Variants in TLN1 observed in about 807,000 individuals in gnomAD.
TLN1 encodes talin-1.
A neutral mutation model predicts 292.3 loss-of-function variants in TLN1; 56 were observed. The observed-to-expected ratio is 0.19, with a 90% CI of 0.15 to 0.24. The LOEUF is 0.24. Ranked by LOEUF, TLN1 falls within the 10% of genes least tolerant of loss-of-function variation. The pLI, the probability that TLN1 is intolerant of heterozygous loss-of-function variation, is 1.00. For missense variants in TLN1, 2,433 were observed against 3,248.2 expected, an observed-to-expected ratio of 0.75 and a Z score of 6.10; for synonymous variants, 1,119 against 1,253.7, an observed-to-expected ratio of 0.89 and a Z score of 2.27.
At chr9:35,731,296 C>G (rs1299152759) in intron 1 of TLN1, among the ~76,000 whole-genome samples, 1 of 152,114 alleles carries the variant, frequency 6.6e-6, no homozygotes, top group Non-Finnish European at 1.5e-5. Context: ...TAACATTAAC[C>G]CCACCTCTAA....
At position 35,707,430 on chromosome 9, in the gene TLN1, G is replaced by C; in HGVS notation, c.4691C>G (p.Pro1564Arg). The C allele has an allele frequency of 6.2e-7, 1 of 1,614,174 alleles. No homozygotes were observed. Among genetic ancestry groups the C allele is most frequent in the Non-Finnish European group, 8.5e-7 (1 of 1,180,032 alleles). Residue 1564 changes from proline to arginine, a missense_variant, in exon 36 of 57, where the codon CCT becomes CGT. This residue lies in a region of TLN1 where 1,384 missense variants were observed against 1,699.6 expected (regional missense o/e 0.81). Transcript: ENST00000314888. This position sits in a 1 kb window ranked among gnomAD's most constrained non-coding sequence, Gnocchi z 5.6. The part of the protein sequence containing the change: ...NRAQCRAATA[P>R]LLEAVDNLSA... The stretch of plus-strand genomic sequence containing the variant: ...CAGATTGTCCACAGCCTCCAGCAGA[G>C]GGGCTGTTGCTGCTCGGCACTGGGC...
chr9:35,705,334 G>A (rs1176360348), intron 43 of TLN1, among the ~76,000 whole-genome samples: 4 of 152,200 alleles, frequency 2.6e-5, no homozygotes, highest in African/African-American at 7.2e-5. Flanking sequence ...AGGCAGGCCC[G>A]GGAAGGCTCC....
Position 35,712,817 on chromosome 9 carries a change from C to T in TLN1, c.3561+18G>A. The T allele has an allele frequency of 6.4e-7, 1 of 1,553,354 alleles. No individual in the cohort carries two copies. Among genetic ancestry groups the T allele is most frequent in the East Asian group, 2.4e-5 (1 of 41,824 alleles). On this transcript the variant is annotated intron_variant, in intron 27 of 56. Coordinates refer to ENST00000314888, the MANE Select transcript of TLN1 (RefSeq NM_006289.4). ...AGGAACCTGGGGGAGAGGGAGTGGC[C>T]CTTTCCCAGTATCTGACCTGGGCAA...
Position 35,714,899 on chromosome 9 carries a change from AC to A in TLN1, c.2755-24del. On this transcript the variant is annotated intron_variant, in intron 21 of 56. Transcript: ENST00000314888. The surrounding 1 kb of genome is among the most constrained non-coding windows in gnomAD (Gnocchi z 4.6). Reference sequence around the variant, plus strand: ...ATGCTGTGAAGACAAGAGTAGTCAGACCAAGCCCATGGATTCCCATGCCCAG... The same window carrying A: ...ATGCTGTGAAGACAAGAGTAGTCAGACAAGCCCATGGATTCCCATGCCCAG... 6.3e-7 allele frequency: 1 copy of A among 1,592,604 alleles called. No homozygotes were observed. The highest frequency in any genetic ancestry group is 1.1e-5 in the South Asian group (1 of 87,256).
intron 34 of TLN1, among the ~76,000 whole-genome samples, chr9:35,708,119 GGA>G (rs1825597772): frequency 6.6e-6 from 1 of 152,188 alleles, no homozygotes; most frequent in Admixed American, 6.5e-5. Context: ...AGGGCATGTG[GGA>G]GAGTAAGCTC....
At chr9:35,702,353 A>C (rs1825480053) in intron 48 of TLN1, among the ~76,000 whole-genome samples, 1 of 152,218 alleles carries the variant, frequency 6.6e-6, no homozygotes, top group Admixed American at 6.5e-5. Context: ...CTTGCCAAAG[A>C]AGAGAAGAGA....
At position 35,719,221 on chromosome 9, in the gene TLN1, G is replaced by C. The variant is rs1456166163; in HGVS notation, c.1749C>G (p.Asn583Lys). The C allele has an allele frequency of 6.2e-7, 1 of 1,614,230 alleles. No individual in the cohort carries two copies. Among genetic ancestry groups the C allele is most frequent in the South Asian group, 1.1e-5 (1 of 91,080 alleles). ...VGCAVTTISS[N>K]LTEMSRGVKL... ...TCACCCCACGGGACATCTCCGTCAG[G>C]TTGGAGGAGATTGTGGTGACTGCAC... Residue 583 changes from asparagine (N) to lysine (K), a missense_variant, in exon 16 of 57, where the codon AAC becomes AAG. This residue lies in a region of TLN1 where 617 missense variants were observed against 770.6 expected (regional missense o/e 0.80). Transcript: ENST00000314888. This position sits in a 1 kb window ranked among gnomAD's most constrained non-coding sequence, Gnocchi z 4.6.
intron 29 of TLN1, 47 bp downstream of exon 29, chr9:35,711,548 T>G (rs1825668500): frequency 6.2e-7 from 1 of 1,612,838 alleles, no homozygotes; most frequent in African/African-American, 1.3e-5. Context: ...GCCTCCTATC[T>G]AACCCTTAGT....
intron 1 of TLN1, among the ~76,000 whole-genome samples, chr9:35,727,218 G>A (rs1825993807): frequency 6.6e-6 from 1 of 152,112 alleles, no homozygotes; most frequent in African/African-American, 2.4e-5. Context: ...TTCCCCTCCT[G>A]GCAAACTACA....
At position 35,703,877 on chromosome 9, in the gene TLN1, T is replaced by C. The variant is rs1164951972; in HGVS notation, c.6255A>G (p.Lys2085=). 1 of 1,614,196 alleles carries C rather than the reference T, an allele frequency of 6.2e-7. No homozygotes were observed. The highest frequency in any genetic ancestry group is 2.2e-5 in the East Asian group (1 of 44,894). The change falls in exon 47 of 57, where the codon AAA becomes AAG. Residue 2085 remains lysine (K), a synonymous_variant. Coordinates refer to ENST00000314888, the MANE Select transcript of TLN1 (RefSeq NM_006289.4). ...ETQVVLINAV[K]DVAKALGDLI... ...GGTCTCCCAGGGCTTTGGCTACATC[T>C]TTCACTGCGTTGATTAGTACCACCT...
rs761066476 is a variant in TLN1, at chr9:35,712,845, C to T, written c.3551G>A (p.Arg1184Gln). The change falls in exon 27 of 57, where the codon CGG (arginine) becomes CAG (glutamine). Residue 1184 changes from arginine (R) to glutamine (Q), a missense_variant. Around this residue, in one of 7 missense-constraint regions of TLN1, gnomAD observed 1,384 missense variants for 1,699.6 expected, o/e 0.81. Transcript: ENST00000314888. Reference protein sequence around the residue: ...GHPGDPESQQRLAQVAKAVTQ... With the variant: ...GHPGDPESQQQLAQVAKAVTQ... ...TTCCCAGTATCTGACCTGGGCAAGC[C>T]GCTGCTGGCTCTCAGGGTCCCCTGG... 20 of 1,579,906 alleles carry T rather than the reference C, an allele frequency of 1.3e-5. No homozygotes were observed. Among genetic ancestry groups the T allele is most frequent in the Admixed American group, 1.1e-4 (6 of 55,094 alleles).
chr9:35,711,132 G>A (rs1416401791), intron 30 of TLN1, 50 bp from the exon 31 acceptor site: 1 of 1,609,444 alleles, frequency 6.2e-7, no homozygotes, highest in South Asian at 1.1e-5. Context: ...CATCATTCCT[G>A]GGTCCTATGT....
At chr9:35,708,094 T>A (rs1378721008) in intron 34 of TLN1, 1 of 721,034 alleles carries the variant, frequency 1.4e-6, no homozygotes, top group Non-Finnish European at 2.2e-6. Context: ...GACATACTAA[T>A]GGAGAAACCA....
chr9:35,710,664 G>T lies in TLN1; in HGVS notation c.4223C>A (p.Thr1408Asn). The change falls in exon 33 of 57, where the codon ACT becomes AAT. Residue 1408 changes from threonine to asparagine, a missense_variant. Physicochemically the swap from Thr to Asn is moderately conservative, Grantham distance 65. Coordinates refer to ENST00000314888, the MANE Select transcript of TLN1 (RefSeq NM_006289.4). ...ENSKVLGEAM[T>N]GISQNAKNGN... ...GTTCTTGGCATTTTGGGAGATGCCA[G>T]TCATGGCCTCGCCCAGCACCTGAGG... is the stretch of plus-strand genomic sequence containing the variant. The T allele has an allele frequency of 6.2e-7, 1 of 1,614,224 alleles. No homozygotes were observed. Among genetic ancestry groups the T allele is most frequent in the South Asian group, 1.1e-5 (1 of 91,088 alleles).
In TLN1 at chr9:35,706,253, C is replaced by T. The variant is rs552088836; in HGVS notation, c.5304G>A (p.Leu1768=). 7 of 1,613,332 alleles carry T rather than the reference C, an allele frequency of 4.3e-6. No homozygotes were observed. The South Asian group carries it at 7.7e-5, about 18-fold the overall frequency. The change falls in exon 40 of 57, where the codon TTG becomes TTA. Residue 1768 remains leucine (L), a synonymous_variant. Transcript: ENST00000314888. This position sits in a 1 kb window ranked among gnomAD's most constrained non-coding sequence, Gnocchi z 4.2. ...QMALLDQTKT[L]AESALQLLYT... is the part of the protein sequence containing the mutation. ...ATAGCAACTGCAGGGCAGACTCTGC[C>T]AATGTTTTAGTCTGGTCCAGGAGTG...
Position 35,731,141 on chromosome 9 carries a change from A to G in TLN1, c.-34+934T>C, listed in dbSNP as rs140729675. Among the ~76,000 whole-genome samples the G allele has an allele frequency of 7.2e-5, 11 of 152,270 alleles. No homozygotes were observed. The East Asian group carries it at 2.1e-3, about 29-fold the overall frequency. On this transcript the variant is annotated intron_variant, in intron 1 of 56. Transcript: ENST00000314888. Reference sequence around the variant, plus strand: ...TGAAATTAGTTTATCTCTCTGGGTAAAAAGAAGCCCCTGTAACTACATAGG... The same window carrying G: ...TGAAATTAGTTTATCTCTCTGGGTAGAAAGAAGCCCCTGTAACTACATAGG...
intron 9 of TLN1, 139 bp downstream of exon 9, chr9:35,721,980 T>C: frequency 8.7e-7 from 1 of 1,142,892 alleles, no homozygotes; most frequent in Non-Finnish European, 1.3e-6. Context: ...CAGGTTTTCA[T>C]GAGGTCAGAG....
rs1323605766 is a variant in TLN1, at chr9:35,719,618, C to A, written c.1588G>T (p.Ala530Ser). ...TCATCCATCTTGTTTTTACGCCAGG[C>A]CTTAGAGGCCTGAAAGAGAGAGGAA... The part of the protein sequence containing the change: ...PPLGQDAASK[A>S]WRKNKMDESK... Residue 530 changes from alanine to serine, a missense_variant, in exon 15 of 57, where the codon GCC (alanine) becomes TCC (serine). Ala to Ser is a moderately conservative substitution (Grantham distance 99). This residue lies in a region of TLN1 where 617 missense variants were observed against 770.6 expected (regional missense o/e 0.80). Transcript: ENST00000314888. The surrounding 1 kb of genome is among the most constrained non-coding windows in gnomAD (Gnocchi z 4.6). 2.5e-6 allele frequency: 4 copies of A among 1,614,168 alleles called. No individual in the cohort carries two copies. Among genetic ancestry groups the A allele is most frequent in the Non-Finnish European group, 2.5e-6 (3 of 1,180,004 alleles).
At chr9:35,712,412 G>A (rs1000058902) in intron 27 of TLN1, among the ~76,000 whole-genome samples, 4 of 152,148 alleles carry the variant, frequency 2.6e-5, no homozygotes, top group African/African-American at 9.7e-5. Context: ...ATGGGAGGCC[G>A]AGGGGGGCAG....
Sources: allele counts gnomAD v4.1 joint callset (sites outside exome capture counted in the v4.1 genomes callset), GRCh38; gene constraint gnomAD v4.1.1; regional missense constraint gnomAD v4.1.1; non-coding constraint Gnocchi (gnomAD v3.1); transcripts MANE v1.5; gene names NCBI Gene and HGNC (gene_info 2026-07-23, HGNC 2026-07-21).